Variants in C4orf51 observed in about 807,000 individuals in gnomAD.
C4orf51 encodes uncharacterized protein C4orf51.
In C4orf51, 25 loss-of-function variants were observed where a neutral mutation model predicts 25.2. That is an observed-to-expected ratio of 0.99 (90% CI 0.72 to 1.39). The LOEUF is 1.39. Among genes scored for constraint, C4orf51 ranks in the 40% most tolerant of loss-of-function variants. The pLI is 0.00. For synonymous variants in C4orf51, 100 were observed against 84.5 expected (o/e 1.18, Z -1.01); for missense variants, 252 against 239.6 (o/e 1.05, Z -0.34).
downstream of C4orf51, chr4:145,774,770 T>C: frequency 7.4e-7 from 1 of 1,346,388 alleles, no homozygotes. Context: ...TCAAGAAAAC[T>C]GGAATTTGAA....
intron 1 of C4orf51, among the ~76,000 whole-genome samples, chr4:145,768,590 G>A (rs768073882): frequency 2.0e-5 from 3 of 151,772 alleles, no homozygotes; most frequent in Non-Finnish European, 1.5e-5. Context: ...TGACCCCATC[G>A]TTTTAGGTTA....
downstream of C4orf51, among the ~76,000 whole-genome samples, chr4:145,735,088 G>A (rs1434569282): frequency 6.6e-6 from 1 of 152,180 alleles, no homozygotes; most frequent in Non-Finnish European, 1.5e-5. Context: ...AAGTTGCAAC[G>A]TGACATGAAA....
intron 2 of C4orf51, among the ~76,000 whole-genome samples, chr4:145,713,202 G>A (rs1171621080): frequency 1.3e-5 from 2 of 152,204 alleles, no homozygotes; most frequent in Non-Finnish European, 2.9e-5. Flanking sequence ...GTAGCCTATG[G>A]ATTAGGGAGT....
In C4orf51 at chr4:145,691,986, T is replaced by G. The variant is rs1729606643; in HGVS notation, c.234-4573T>G. ...ATCTCTGATATACAGCTGATAGGAA[T>G]GTAAGTTGATATTGCTCTTTAGAAA... On this transcript the variant is annotated intron_variant, in intron 1 of 5. Coordinates refer to ENST00000438731, the MANE Select transcript of C4orf51 (RefSeq NM_001080531.3). 3.5e-5 allele frequency among the ~76,000 whole-genome samples: 3 copies of G among 84,646 alleles called. No individual in the cohort carries two copies. The South Asian group carries it at 1.0e-3, about 30-fold the overall frequency. The allele number at this position is 84,646 out of a possible 152,430, so 55.5% of individuals were successfully genotyped here.
the C4orf51 span, among the ~76,000 whole-genome samples, chr4:145,781,195 C>CAAAAAA: frequency 4.4e-4 from 25 of 56,544 alleles, no homozygotes; most frequent in South Asian, 1.1e-3. Flanking sequence ...GACACCATCT[C>CAAAAAA]AAAAAAAAAA....
chr4:145,695,645 T>C (rs1730000564), intron 1 of C4orf51, among the ~76,000 whole-genome samples: 2 of 152,230 alleles, frequency 1.3e-5, no homozygotes, highest in Non-Finnish European at 2.9e-5. Context: ...TTGTGATTGC[T>C]TTTGGCATCT....
intron 2 of C4orf51, among the ~76,000 whole-genome samples, chr4:145,700,459 C>T (rs966798342): frequency 3.3e-5 from 5 of 152,166 alleles, no homozygotes; most frequent in African/African-American, 1.2e-4. Context: ...TCAACTCTCA[C>T]CTGACCTAAA....
downstream of C4orf51, among the ~76,000 whole-genome samples, chr4:145,735,630 A>G (rs1338034890): frequency 6.6e-6 from 1 of 152,176 alleles, no homozygotes; most frequent in Non-Finnish European, 1.5e-5. Flanking sequence ...TTTTTGAATG[A>G]GAATGAACTT....
intron 1 of C4orf51, among the ~76,000 whole-genome samples, chr4:145,741,749 G>T (rs181782975): frequency 6.6e-6 from 1 of 151,842 alleles, no homozygotes; most frequent in Non-Finnish European, 1.5e-5. Flanking sequence ...CCAGGCTGGC[G>T]TGCAGTGGCT....
chr4:145,763,162 C>T lies in C4orf51; in HGVS notation n.167-7826C>T. ...AAATAATAGTATAATCTTATTTGAT[C>T]TGCATTATGAACAGGATATAGAGTA... is the stretch of plus-strand genomic sequence containing the variant. On this transcript the variant is annotated intron_variant and non_coding_transcript_variant, in intron 1 of 1. Transcript: ENST00000510096. This position sits in a 1 kb window ranked among gnomAD's most constrained non-coding sequence, Gnocchi z 4.6. 1 of 1,533,498 alleles carries T rather than the reference C, an allele frequency of 6.5e-7. No homozygotes were observed. Among genetic ancestry groups the T allele is most frequent in the South Asian group, 1.2e-5 (1 of 83,888 alleles). The allele number at this position is 1,533,498 out of a possible 1,614,324, so 95.0% of individuals were successfully genotyped here.
intron 1 of C4orf51, chr4:145,764,926 A>C: frequency 1.2e-6 from 2 of 1,600,386 alleles, no homozygotes; most frequent in Non-Finnish European, 1.7e-6. Context: ...GGGACGGGGT[A>C]GGGAAGGGGA....
intron 2 of C4orf51, among the ~76,000 whole-genome samples, chr4:145,716,176 AT>A (rs1032566911): frequency 6.6e-6 from 1 of 151,726 alleles, no homozygotes; most frequent in Admixed American, 6.6e-5. Context: ...ACTCAATAAA[AT>A]TTTTTTTTCT....
chr4:145,719,951 C>A (rs969800945), intron 2 of C4orf51, among the ~76,000 whole-genome samples: 5 of 152,092 alleles, frequency 3.3e-5, no homozygotes, highest in African/African-American at 1.2e-4. Flanking sequence ...GGGGAAGGAC[C>A]TCCCATTTCT....
chr4:145,777,650 G>A, the C4orf51 span, among the ~76,000 whole-genome samples: 1 of 152,032 alleles, frequency 6.6e-6, no homozygotes, highest in Non-Finnish European at 1.5e-5. Flanking sequence ...CTAACTTTGA[G>A]TATTTTTGCT....
the C4orf51 span, among the ~76,000 whole-genome samples, chr4:145,787,464 G>GAA: frequency 3.0e-4 from 25 of 83,214 alleles, no homozygotes; most frequent in Admixed American, 5.7e-4. Context: ...TCCGTCTCAG[G>GAA]AAAAAAAAAA....
At chr4:145,774,246 G>A (rs563292848), downstream of C4orf51, among the ~76,000 whole-genome samples, 1 of 152,316 alleles carries the variant, frequency 6.6e-6, no homozygotes, top group African/African-American at 2.4e-5. Context: ...GGATCAGGAT[G>A]AGCAACAAGC....
chr4:145,776,513 C>CT, the C4orf51 span, among the ~76,000 whole-genome samples: 9 of 150,116 alleles, frequency 6.0e-5, no homozygotes, highest in South Asian at 2.1e-4. Flanking sequence ...AGATAACCTG[C>CT]TTTTTTTTTC....
At chr4:145,722,085 T>A (rs540759936) in intron 2 of C4orf51, among the ~76,000 whole-genome samples, 1 of 152,244 alleles carries the variant, frequency 6.6e-6, no homozygotes, top group East Asian at 1.9e-4. Flanking sequence ...AGGGCACGAA[T>A]AAAAAGACAG....
chr4:145,729,838 T>C (rs1219587293), intron 4 of C4orf51, 54 bp from the exon 5 acceptor site: 17 of 1,465,488 alleles, frequency 1.2e-5, no homozygotes, highest in South Asian at 5.7e-5. Flanking sequence ...ATTTCACTTA[T>C]GGTAGACTCT....
Sources: gnomAD v4.1 joint callset for allele counts (sites outside exome capture counted in the v4.1 genomes callset) on GRCh38, gnomAD v4.1.1 for gene constraint, Gnocchi (gnomAD v3.1) non-coding constraint, MANE v1.5 for transcripts, NCBI Gene and HGNC (gene_info 2026-07-23, HGNC 2026-07-21) for gene names.